Variants in ARAP2 observed in about 807,000 individuals in gnomAD.
ARAP2 encodes the protein arf-GAP with Rho-GAP domain, ANK repeat and PH domain-containing protein 2.
In ARAP2, 148 loss-of-function variants were observed where a neutral mutation model predicts 194.5. The observed-to-expected ratio is 0.76, with a 90% CI of 0.67 to 0.87. ARAP2 has a LOEUF of 0.87. Ranked by LOEUF, ARAP2 falls within the 40% of genes least tolerant of loss-of-function variation. The pLI is 0.00. For missense variants in ARAP2, 2,128 were observed against 1,989.7 expected, an observed-to-expected ratio of 1.07 and a Z score of -1.32; for synonymous variants, 695 against 683.5, an observed-to-expected ratio of 1.02 and a Z score of -0.26.
intron 9 of ARAP2, among the ~76,000 whole-genome samples, chr4:36,009,225 A>G (rs1577511873): frequency 6.6e-6 from 1 of 152,092 alleles, no homozygotes; most frequent in African/African-American, 2.4e-5. Flanking sequence ...AAATTGTTCT[A>G]CCAAAAAGAA....
At chr4:36,006,708 C>T (rs1430027897) in intron 10 of ARAP2, 2 of 151,848 alleles carry the variant, frequency 1.3e-5, no homozygotes, top group African/African-American at 4.8e-5. Context: ...TGAGAGTAGG[C>T]TATCTTTAAA....
chr4:36,027,253 A>G (rs371368984), intron 5 of ARAP2, among the ~76,000 whole-genome samples: 1 of 152,130 alleles, frequency 6.6e-6, no homozygotes, highest in African/African-American at 2.4e-5. Flanking sequence ...AAGATGAGTA[A>G]AAACTAAAGC....
At chr4:36,080,309 T>C (rs1729220146) in intron 30 of ARAP2, 30 bp from the exon 31 acceptor site, 4 of 1,573,828 alleles carry the variant, frequency 2.5e-6, no homozygotes. Flanking sequence ...AACTATGTCA[T>C]TCAAAAAGAC....
intron 2 of ARAP2, among the ~76,000 whole-genome samples, chr4:36,056,900 A>G (rs1171964358): frequency 3.5e-5 from 5 of 141,670 alleles, no homozygotes; most frequent in Admixed American, 2.1e-4. Flanking sequence ...ACATTTATTC[A>G]CAAGACATTA....
At chr4:36,201,937 T>C (rs766313677) in intron 6 of ARAP2, among the ~76,000 whole-genome samples, 3 of 152,148 alleles carry the variant, frequency 2.0e-5, no homozygotes, top group South Asian at 4.1e-4. Flanking sequence ...GGAAAGAACA[T>C]CAAAGACATT....
chr4:36,091,769 G>A (rs561915693), intron 28 of ARAP2, 112 bp downstream of exon 28: 3 of 1,145,816 alleles, frequency 2.6e-6, no homozygotes, highest in East Asian at 5.2e-5. Context: ...AGCTTACCAT[G>A]CATTTTATAT....
intron 30 of ARAP2, 80 bp from the exon 31 acceptor site, chr4:36,080,359 G>T: frequency 8.5e-7 from 1 of 1,177,062 alleles, no homozygotes; most frequent in Admixed American, 1.9e-5. Flanking sequence ...GTGATTTGGT[G>T]ATCAAAAATC....
At chr4:36,012,315 G>A (rs2109311940) in intron 9 of ARAP2, among the ~76,000 whole-genome samples, 1 of 152,252 alleles carries the variant, frequency 6.6e-6, no homozygotes, top group South Asian at 2.1e-4. Context: ...TGCTTTGGTA[G>A]AAAACATGCC....
At chr4:36,147,387 T>C in intron 18 of ARAP2, 28 bp from the exon 19 acceptor site, 1 of 1,610,460 alleles carries the variant, frequency 6.2e-7, no homozygotes, top group Non-Finnish European at 8.5e-7. Flanking sequence ...AGCAAAAATT[T>C]ATTTTTTAAA....
At chr4:36,167,364 T>A (rs933089652) in intron 9 of ARAP2, among the ~76,000 whole-genome samples, 2 of 152,146 alleles carry the variant, frequency 1.3e-5, no homozygotes, top group Non-Finnish European at 2.9e-5. Flanking sequence ...AAATATTAAC[T>A]ACCTCTTATT....
intron 1 of ARAP2, among the ~76,000 whole-genome samples, chr4:36,242,284 A>G (rs1753667580): frequency 6.6e-6 from 1 of 152,238 alleles, no homozygotes; most frequent in Non-Finnish European, 1.5e-5. Flanking sequence ...CTTACAATGT[A>G]GCATGTGCAA....
At chr4:36,217,725 A>T (rs1748260783) in intron 2 of ARAP2, among the ~76,000 whole-genome samples, 1 of 151,732 alleles carries the variant, frequency 6.6e-6, no homozygotes, top group African/African-American at 2.4e-5. Flanking sequence ...AAAGATTTGC[A>T]AGAACTGAAC....
intron 3 of ARAP2, among the ~76,000 whole-genome samples, chr4:36,051,655 TTGTC>T (rs1386439158): frequency 1.2e-4 from 18 of 152,222 alleles, no homozygotes; most frequent in African/African-American, 4.1e-4. Context: ...ATTCCACAGA[TTGTC>T]TGTCTTTTAT....
At position 36,194,954 on chromosome 4, in the gene ARAP2, T is replaced by C. The variant is rs7665121; in HGVS notation, c.1488-1307A>G. 3.6e-3 allele frequency among the ~76,000 whole-genome samples: 541 copies of C among 151,592 alleles called. 2 individuals are homozygous for C. Among genetic ancestry groups the C allele is most frequent in the African/African-American group, 0.012 (509 of 41,292 alleles). Reference sequence around the variant, plus strand: ...ATCCCATCACTTTGAGAAGCTGAGGTGGGTGGATCACTGGGCAACATGGCA... The same window carrying C: ...ATCCCATCACTTTGAGAAGCTGAGGCGGGTGGATCACTGGGCAACATGGCA... On this transcript the variant is annotated intron_variant, in intron 6 of 32. Coordinates refer to ENST00000303965, the MANE Select transcript of ARAP2 (RefSeq NM_015230.4).
At chr4:36,206,077 C>T (rs552523585) in intron 6 of ARAP2, among the ~76,000 whole-genome samples, 1 of 152,366 alleles carries the variant, frequency 6.6e-6, no homozygotes, top group South Asian at 2.1e-4. Context: ...GCCTTCACCG[C>T]AGCCCCAAGA....
chr4:36,140,139 T>TACACACACACACACACACACACAC (rs66531233), intron 19 of ARAP2, among the ~76,000 whole-genome samples: 2 of 140,384 alleles, frequency 1.4e-5, no homozygotes, highest in Non-Finnish European at 3.1e-5. Flanking sequence ...ACAAAAACAA[T>TACACACACACACACACACACACAC]ACACACACAC....
At chr4:36,242,781 T>TACAA (rs1753766288) in intron 1 of ARAP2, among the ~76,000 whole-genome samples, 1 of 152,110 alleles carries the variant, frequency 6.6e-6, no homozygotes, top group African/African-American at 2.4e-5. Flanking sequence ...AAGGAAAAAA[T>TACAA]ACAAACACAA....
chr4:36,008,597 G>A (rs1713798312), intron 9 of ARAP2, among the ~76,000 whole-genome samples: 1 of 151,958 alleles, frequency 6.6e-6, no homozygotes, highest in Non-Finnish European at 1.5e-5. Context: ...AATCCTAGAA[G>A]AAACCCTAGG....
chr4:36,009,149 G>C (rs2109304096), intron 9 of ARAP2, among the ~76,000 whole-genome samples: 1 of 152,230 alleles, frequency 6.6e-6, no homozygotes, highest in Admixed American at 6.5e-5. Context: ...ATTTCTCCAA[G>C]CCCTATGAAT....
Sources: gnomAD v4.1 joint callset for allele counts (sites outside exome capture counted in the v4.1 genomes callset) on GRCh38, gnomAD v4.1.1 for gene constraint, MANE v1.5 for transcripts, NCBI Gene and HGNC (gene_info 2026-07-23, HGNC 2026-07-21) for gene names.